Variants in FGG observed in about 807,000 individuals in gnomAD.
The protein encoded by FGG is fibrinogen, gamma polypeptide.
A neutral mutation model predicts 51.7 loss-of-function variants in FGG; 20 were observed. The ratio of observed to expected loss-of-function variants is 0.39; its 90% CI spans 0.27 to 0.56. The LOEUF is 0.56. Ranked by LOEUF, FGG falls within the 20% of genes least tolerant of loss-of-function variation. The probability of loss-of-function intolerance (pLI) is 0.64; values close to 1 mark genes in which losing one functional copy is unlikely to be tolerated. For missense variants in FGG, 460 were observed against 534.2 expected (o/e 0.86, Z 1.37); for synonymous variants, 184 against 184.7 (o/e 1.00, Z 0.03).
At position 154,604,785 on chromosome 4, in the gene FGG, A is replaced by C. The variant is rs747892107; in HGVS notation, c.*49T>G. ...TAAGAGAAAAAAGGAAGAAACTTTC[A>C]GAGAATTTCTGAAACTTTGTGGGTC... On this transcript the variant is annotated 3_prime_UTR_variant, in exon 9 of 9. Coordinates refer to ENST00000336098, the MANE Select transcript of FGG (RefSeq NM_021870.3). 6.2e-7 allele frequency: 1 copy of C among 1,611,358 alleles called. No individual in the cohort carries two copies. The highest frequency in any genetic ancestry group is 1.3e-5 in the African/African-American group (1 of 74,870).
At chr4:154,607,075 A>T in intron 7 of FGG, 93 bp from the exon 8 acceptor site, 1 of 1,464,278 alleles carries the variant, frequency 6.8e-7, no homozygotes, top group South Asian at 1.5e-5. Flanking sequence ...GGAATTTTTG[A>T]CTTTGTTTCT....
intron 4 of FGG, among the ~76,000 whole-genome samples, chr4:154,610,675 T>C (rs1302933514): frequency 6.6e-6 from 1 of 152,192 alleles, no homozygotes; most frequent in African/African-American, 2.4e-5. Flanking sequence ...AGTATACCTT[T>C]CACTTGTGGA....
At position 154,610,102 on chromosome 4, in the gene FGG, T is replaced by G. The variant is rs752680728; in HGVS notation, c.497A>C (p.Lys166Thr). 6.2e-7 allele frequency: 1 copy of G among 1,613,872 alleles called. No homozygotes were observed. ...GATATCATGGATTTGCACCGTGTCT[T>G]TGCAAGGTTCCTGGCACTGTGCTTC... ...QLEAQCQEPC[K>T]DTVQIHDITG... The change falls in exon 5 of 9, where the codon AAA becomes ACA. Residue 166 changes from lysine to threonine, a missense_variant. Physicochemically the swap from Lys to Thr is moderately conservative, Grantham distance 78. This residue lies in a region of FGG where 353 missense variants were observed against 391.7 expected (regional missense o/e 0.90). Transcript: ENST00000336098.
In FGG at chr4:154,608,597, T is replaced by A. The variant is rs937512126; in HGVS notation, c.720A>T (p.Gly240=). ...FKKNWIQYKE[G]FGHLSPTGTT... is the part of the protein sequence containing the mutation. ...TGCCAGTAGGAGACAGATGTCCAAA[T>A]CCTTCTTTATATTGAATCCAGTTTT... Residue 240 remains glycine, a synonymous_variant, in exon 7 of 9, where the codon GGA becomes GGT. Transcript: ENST00000336098. 6.2e-7 allele frequency: 1 copy of A among 1,613,552 alleles called. No homozygotes were observed. The highest frequency in any genetic ancestry group is 1.7e-5 in the Admixed American group (1 of 59,970).
intron 4 of FGG, 113 bp downstream of exon 4, chr4:154,611,692 A>G: frequency 1.4e-6 from 1 of 717,422 alleles, no homozygotes; most frequent in Admixed American, 2.5e-5. Context: ...GCATAATGTC[A>G]CTGGGATATT....
Position 154,605,145 on chromosome 4 carries a change from C to T in FGG, c.1130-79G>A, listed in dbSNP as rs554142549. On this transcript the variant is annotated intron_variant, in intron 8 of 8. Transcript: ENST00000336098. ...CAAGTCTATGAAGAGCTGTCTATTA[C>T]GAAGTGCATTGCCAGTTACATAAAA... The T allele has an allele frequency of 2.0e-4, 292 of 1,465,252 alleles. 2 individuals carry two copies. The highest frequency in any genetic ancestry group is 3.4e-4 in the Middle Eastern group (2 of 5,800). The allele number at this position is 1,465,252 out of a possible 1,614,324, so 90.8% of individuals were successfully genotyped here.
Position 154,604,363 on chromosome 4 carries a change from A to T in FGG, c.*471T>A. On this transcript the variant is annotated 3_prime_UTR_variant, in exon 9 of 9. Coordinates refer to ENST00000336098, the MANE Select transcript of FGG (RefSeq NM_021870.3). ...TTTTAAACGTCTCCAGCCTGTGAAT[A>T]TATAACAAAACAAAAACCATATTAA... The T allele has an allele frequency of 6.7e-7, 1 of 1,499,532 alleles. No homozygotes were observed. The highest frequency in any genetic ancestry group is 2.5e-5 in the East Asian group (1 of 39,408). 92.9% of individuals were successfully genotyped at this position (1,499,532 alleles called of 1,614,324 possible).
rs1194682889 is a variant in FGG at position 154,611,540 on chromosome 4, A to T, written c.401+265T>A. 1.9e-5 allele frequency: 5 copies of T among 263,298 alleles called. No individual in the cohort carries two copies. The East Asian group carries it at 2.1e-4, about 11-fold the overall frequency. 16.3% of individuals were successfully genotyped at this position (263,298 alleles called of 1,614,324 possible). A position where few individuals can be genotyped will look rare whatever the true frequency, so the allele number is the denominator to read the frequency against. On this transcript the variant is annotated intron_variant, in intron 4 of 8. Coordinates refer to ENST00000336098, the MANE Select transcript of FGG (RefSeq NM_021870.3). ...AAGATAAATGGGGGATGGGGAAAAA[A>T]TTTTTGATAAATATGGTCAAACTAG...
chr4:154,612,504 A>G, intron 1 of FGG, 28 bp downstream of exon 1: 1 of 1,613,874 alleles, frequency 6.2e-7, no homozygotes, highest in South Asian at 1.1e-5. Context: ...TTCCATTTTA[A>G]ACAACGTTTT....
At position 154,604,680 on chromosome 4, in the gene FGG, G is replaced by T. The variant is rs1731064004; in HGVS notation, c.*154C>A. 7.0e-7 allele frequency: 1 copy of T among 1,436,586 alleles called. No individual in the cohort carries two copies. The highest frequency in any genetic ancestry group is 9.1e-7 in the Non-Finnish European group (1 of 1,098,332). The allele number at this position is 1,436,586 out of a possible 1,614,324, so 89.0% of individuals were successfully genotyped here. On this transcript the variant is annotated 3_prime_UTR_variant, in exon 9 of 9. Coordinates refer to ENST00000336098, the MANE Select transcript of FGG (RefSeq NM_021870.3). ...AAATAACTCTGATATCAGTAATTTGGAAATACAGTCCTAAATGAGTTTTAA... is the reference window on the plus strand; with the variant it reads ...AAATAACTCTGATATCAGTAATTTGTAAATACAGTCCTAAATGAGTTTTAA...
Position 154,604,258 on chromosome 4 carries a change from C to T in FGG, c.*576G>A. ...TAAAATGAAGTGAAGCTTTGCAAGTCCATTGTCCAATAGGAAAAATATTAT... is the reference window on the plus strand; with the variant it reads ...TAAAATGAAGTGAAGCTTTGCAAGTTCATTGTCCAATAGGAAAAATATTAT... On this transcript the variant is annotated 3_prime_UTR_variant, in exon 9 of 9. Coordinates refer to ENST00000336098, the MANE Select transcript of FGG (RefSeq NM_021870.3). 1 of 1,129,050 alleles carries T rather than the reference C, an allele frequency of 8.9e-7. No homozygotes were observed. Among genetic ancestry groups the T allele is most frequent in the Non-Finnish European group, 1.2e-6 (1 of 817,694 alleles). The allele number at this position is 1,129,050 out of a possible 1,614,324, so 69.9% of individuals were successfully genotyped here. A position where few individuals can be genotyped will look rare whatever the true frequency, so the allele number is the denominator to read the frequency against.
At chr4:154,607,282 A>G (rs1217063233) in intron 7 of FGG, among the ~76,000 whole-genome samples, 1 of 152,222 alleles carries the variant, frequency 6.6e-6, no homozygotes, top group African/African-American at 2.4e-5. Context: ...CCAGATGTGT[A>G]GATGACTCTA....
intron 6 of FGG, 107 bp downstream of exon 6, chr4:154,609,523 G>T: frequency 7.4e-7 from 1 of 1,348,786 alleles, no homozygotes; most frequent in Non-Finnish European, 1.1e-6. Context: ...TAGGGCTATT[G>T]CAAGGATTAA....
At chr4:154,611,596 A>G in intron 4 of FGG, 1 of 463,462 alleles carries the variant, frequency 2.2e-6, no homozygotes, top group South Asian at 3.9e-5. Flanking sequence ...ATCTTTCTTC[A>G]ATGTGATTAT....
chr4:154,607,378 C>A (rs1457517055), intron 7 of FGG, among the ~76,000 whole-genome samples: 1 of 152,092 alleles, frequency 6.6e-6, no homozygotes, highest in African/African-American at 2.4e-5. Flanking sequence ...AGTGAGTGAC[C>A]CTTAATTATT....
intron 7 of FGG, among the ~76,000 whole-genome samples, 154 bp downstream of exon 7, chr4:154,608,312 G>A (rs186150580): frequency 6.6e-6 from 1 of 152,176 alleles, no homozygotes. Flanking sequence ...TTTTTGGATT[G>A]CCCAAGAACC....
At position 154,612,445 on chromosome 4, in the gene FGG, A is replaced by T; in HGVS notation, c.79-10T>A. On this transcript the variant is annotated splice_polypyrimidine_tract_variant and intron_variant, in intron 1 of 8. Coordinates refer to ENST00000336098, the MANE Select transcript of FGG (RefSeq NM_021870.3). Reference sequence around the variant, plus strand: ...CTCTGGTAGCAACATACTAAAAGAGAAAAAATACAGAAATTTCACTAGTTT... The same window carrying T: ...CTCTGGTAGCAACATACTAAAAGAGTAAAAATACAGAAATTTCACTAGTTT... 6.2e-7 allele frequency: 1 copy of T among 1,613,988 alleles called. No individual in the cohort carries two copies. Among genetic ancestry groups the T allele is most frequent in the Non-Finnish European group, 8.5e-7 (1 of 1,179,878 alleles).
chr4:154,604,432 A>G lies in FGG; in HGVS notation c.*402T>C. The G allele has an allele frequency of 1.6e-6, 2 of 1,287,340 alleles. No individual in the cohort carries two copies. Among genetic ancestry groups the G allele is most frequent in the South Asian group, 3.0e-5 (2 of 66,244 alleles). 79.7% of individuals were successfully genotyped at this position (1,287,340 alleles called of 1,614,324 possible). The stretch of plus-strand genomic sequence containing the variant: ...ATTTAAAAAGAAGAATTAAATAGGA[A>G]TGATTTAGGGGTAATAAACAAGGAA... On this transcript the variant is annotated 3_prime_UTR_variant, in exon 9 of 9. Transcript: ENST00000336098.
Position 154,608,495 on chromosome 4 carries a change from C to T in FGG, c.822G>A (p.Val274=), listed in dbSNP as rs1372217452. ...TTCTGCCATTCCAGTCTTCCAGTTCCACTCTTAATGCATATGGGATGGCAG... is the reference window on the plus strand; with the variant it reads ...TTCTGCCATTCCAGTCTTCCAGTTCTACTCTTAATGCATATGGGATGGCAG... ...TQSAIPYALR[V]ELEDWNGRTS... is the part of the protein sequence containing the mutation. The change falls in exon 7 of 9, where the codon GTG becomes GTA. Residue 274 remains valine, a synonymous_variant. Coordinates refer to ENST00000336098, the MANE Select transcript of FGG (RefSeq NM_021870.3). 1 of 1,613,592 alleles carries T rather than the reference C, an allele frequency of 6.2e-7. No homozygotes were observed. The highest frequency in any genetic ancestry group is 2.2e-5 in the East Asian group (1 of 44,852).
Sources: gnomAD v4.1 joint callset for allele counts (sites outside exome capture counted in the v4.1 genomes callset) on GRCh38, gnomAD v4.1.1 for gene constraint, gnomAD v4.1.1 regional missense constraint, MANE v1.5 for transcripts, NCBI Gene and HGNC (gene_info 2026-07-23, HGNC 2026-07-21) for gene names.